The following ZNF608 variants were observed in gnomAD, a reference collection of about 807,000 sequenced individuals.
The protein encoded by ZNF608 is zinc finger protein 608.
A neutral mutation model predicts 109.0 loss-of-function variants in ZNF608; 12 were observed. The ratio of observed to expected loss-of-function variants is 0.11; its 90% CI spans 0.07 to 0.18. The LOEUF is 0.18. ZNF608 is among the 10% of genes least tolerant of loss of function. The pLI is 1.00. For synonymous variants in ZNF608, 732 were observed against 717.4 expected, an observed-to-expected ratio of 1.02 and a Z score of -0.33; for missense variants, 1,707 against 1,879.3, an observed-to-expected ratio of 0.91 and a Z score of 1.70.
intron 3 of ZNF608, among the ~76,000 whole-genome samples, chr5:124,674,211 G>A (rs1050572835): frequency 7.2e-5 from 11 of 152,144 alleles, no homozygotes; most frequent in African/African-American, 2.7e-4. Flanking sequence ...ATCAGGTAAA[G>A]TCAGACAAGG....
intron 3 of ZNF608, among the ~76,000 whole-genome samples, chr5:124,651,318 A>C (rs1283937777): frequency 6.6e-6 from 1 of 151,466 alleles, no homozygotes; most frequent in Non-Finnish European, 1.5e-5. Context: ...CCTTCAGGAA[A>C]GGGGAGGGGG....
chr5:124,705,953 C>T (rs1416702281), intron 2 of ZNF608, among the ~76,000 whole-genome samples: 1 of 152,246 alleles, frequency 6.6e-6, no homozygotes, highest in Admixed American at 6.5e-5. Flanking sequence ...AGGCACCGTG[C>T]AACCTGCTAG....
At chr5:124,637,949 TTTTG>T (rs777708954) in intron 9 of ZNF608, 43 bp from the exon 10 acceptor site, 14 of 1,608,144 alleles carry the variant, frequency 8.7e-6, no homozygotes, top group Admixed American at 6.7e-5. Context: ...TCTATCAACA[TTTTG>T]TTTGTTTGTT....
At chr5:124,689,480 G>A (rs28803311) in intron 3 of ZNF608, among the ~76,000 whole-genome samples, 28,306 of 144,004 alleles carry the variant, frequency 0.2, 2,793 homozygotes, top group African/African-American at 0.22. Context: ...AAAAAAAAAA[G>A]AGAGAGACAG....
intron 2 of ZNF608, chr5:124,708,683 T>A (rs1753357887): frequency 6.6e-6 from 3 of 456,188 alleles, no homozygotes; most frequent in Non-Finnish European, 1.3e-5. Context: ...AGACTGGGAA[T>A]TATATTGCCA....
chr5:124,719,885 C>T (rs990594458), intron 2 of ZNF608, among the ~76,000 whole-genome samples: 2 of 152,196 alleles, frequency 1.3e-5, no homozygotes, highest in African/African-American at 4.8e-5. Flanking sequence ...TTCTTCATTA[C>T]AATGCATACT....
intron 3 of ZNF608, among the ~76,000 whole-genome samples, chr5:124,673,727 T>A (rs1308512270): frequency 2.6e-5 from 4 of 152,126 alleles, no homozygotes; most frequent in African/African-American, 9.7e-5. Flanking sequence ...AGAGGAAACC[T>A]CAGGTATAAT....
intron 2 of ZNF608, among the ~76,000 whole-genome samples, chr5:124,739,911 A>G (rs1749310465): frequency 6.6e-6 from 1 of 152,170 alleles, no homozygotes; most frequent in Non-Finnish European, 1.5e-5. Context: ...CACTTTCGGC[A>G]TACATTTCAT....
chr5:124,744,583 C>G lies in ZNF608; in HGVS notation c.407G>C (p.Arg136Thr). 6.2e-7 allele frequency: 1 copy of G among 1,614,242 alleles called. No individual in the cohort carries two copies. Among genetic ancestry groups the G allele is most frequent in the East Asian group, 2.2e-5 (1 of 44,880 alleles). Reference sequence around the variant, plus strand: ...TCCAGGGCGCCCTTGGACTTCCTGCCTCTTGCCAGTGCTGCTGATCTCGGG... The same window carrying G: ...TCCAGGGCGCCCTTGGACTTCCTGCGTCTTGCCAGTGCTGCTGATCTCGGG... Reference protein sequence around the residue: ...GIPEISSTGKRQEVQGRPGEA... With the variant: ...GIPEISSTGKTQEVQGRPGEA... Residue 136 changes from arginine (R) to threonine (T), a missense_variant, in exon 2 of 10, where the codon AGG becomes ACG. Arg to Thr is a moderately conservative substitution (Grantham distance 71). Transcript: ENST00000513986. The surrounding 1 kb of genome is among the most constrained non-coding windows in gnomAD (Gnocchi z 4.5).
intron 3 of ZNF608, among the ~76,000 whole-genome samples, chr5:124,696,291 G>C (rs1752847541): frequency 6.6e-6 from 1 of 152,022 alleles, no homozygotes; most frequent in Non-Finnish European, 1.5e-5. Flanking sequence ...CTTGAAAAAT[G>C]CATCAGGTGA....
rs199699487 is a variant in ZNF608 at position 124,721,941 on chromosome 5, CAAAAAAAAAAAAAAAAAAAAAAAA to C, written c.907-20696_907-20673del. Reference sequence around the variant, plus strand: ...TGGGCGACAGAATGAGACTCTGTCTCAAAAAAAAAAAAAAAAAAAAAAAAAAAAAAAGAACTCAAAGCCAAATCA... The same window carrying C: ...TGGGCGACAGAATGAGACTCTGTCTCAAAAAAAGAACTCAAAGCCAAATCA... On this transcript the variant is annotated intron_variant, in intron 2 of 9. Coordinates refer to ENST00000513986, the MANE Select transcript of ZNF608 (RefSeq NM_020747.3). Among the ~76,000 whole-genome samples, 2 of 20,798 alleles carry C rather than the reference CAAAAAAAAAAAAAAAAAAAAAAAA, an allele frequency of 9.6e-5. 1 individual carries two copies. The highest frequency in any genetic ancestry group is 1.1e-3 in the Admixed American group (2 of 1,792). 13.6% of individuals were successfully genotyped at this position (20,798 alleles called of 152,430 possible). A position where few individuals can be genotyped will look rare whatever the true frequency, so the allele number is the denominator to read the frequency against.
chr5:124,733,299 A>G (rs1360902607), intron 2 of ZNF608, among the ~76,000 whole-genome samples: 3 of 147,230 alleles, frequency 2.0e-5, no homozygotes, highest in African/African-American at 7.6e-5. Context: ...TAGCTCTCCC[A>G]ATGGTTAAAA....
chr5:124,663,025 G>A (rs7737948), intron 3 of ZNF608, among the ~76,000 whole-genome samples: 2,082 of 152,278 alleles, frequency 0.014, 29 homozygotes, highest in African/African-American at 0.036. Context: ...ATGCCTGATG[G>A]AAGAATGAGG....
chr5:124,662,435 T>A (rs1751300618), intron 3 of ZNF608, among the ~76,000 whole-genome samples: 1 of 152,240 alleles, frequency 6.6e-6, no homozygotes, highest in Non-Finnish European at 1.5e-5. Context: ...ACATTAGTGC[T>A]TCGCACTGGG....
chr5:124,653,720 GC>G (rs1229043711), intron 3 of ZNF608, among the ~76,000 whole-genome samples: 1 of 152,156 alleles, frequency 6.6e-6, no homozygotes, highest in Non-Finnish European at 1.5e-5. Flanking sequence ...AGCAAAGGCA[GC>G]CAGCCCAACA....
chr5:124,724,609 C>CGTGTGTGTGT (rs113446719), intron 2 of ZNF608, among the ~76,000 whole-genome samples: 1 of 146,976 alleles, frequency 6.8e-6, no homozygotes, highest in African/African-American at 2.5e-5. Flanking sequence ...TTCAACAGCA[C>CGTGTGTGTGT]GTGTGTGTGT....
At chr5:124,686,612 T>A (rs1176929199) in intron 3 of ZNF608, among the ~76,000 whole-genome samples, 1 of 152,222 alleles carries the variant, frequency 6.6e-6, no homozygotes, top group Non-Finnish European at 1.5e-5. Flanking sequence ...GAAAAGTGAC[T>A]AGGTCTTCTC....
intron 2 of ZNF608, among the ~76,000 whole-genome samples, chr5:124,741,683 C>T (rs1373275017): frequency 6.6e-6 from 1 of 152,172 alleles, no homozygotes; most frequent in Non-Finnish European, 1.5e-5. Context: ...GAAGCATTTT[C>T]TAAATTGATG....
At position 124,701,561 on chromosome 5, in the gene ZNF608, C is replaced by T. The variant is rs111875968; in HGVS notation, c.907-292G>A. On this transcript the variant is annotated intron_variant, in intron 2 of 9. Transcript: ENST00000513986. ...TTGGACAACCGTTAGCCTCAGCAGA[C>T]GTGAATGAAACATGTTTTGCAAAAT... Among the ~76,000 whole-genome samples the T allele has an allele frequency of 1.3e-3, 196 of 152,210 alleles. 1 individual carries two copies. The highest frequency in any genetic ancestry group is 4.6e-3 in the African/African-American group (193 of 41,520).
Sources: allele counts gnomAD v4.1 joint callset (sites outside exome capture counted in the v4.1 genomes callset), GRCh38; gene constraint gnomAD v4.1.1; non-coding constraint Gnocchi (gnomAD v3.1); transcripts MANE v1.5; gene names NCBI Gene and HGNC (gene_info 2026-07-23, HGNC 2026-07-21).